Variants in RPRD1B observed in about 807,000 individuals in gnomAD.
RPRD1B encodes the protein regulation of nuclear pre-mRNA domain-containing protein 1B.
Under a neutral mutation model 41.5 loss-of-function variants are expected in RPRD1B, and 11 were observed. That is an observed-to-expected ratio of 0.27 (90% CI 0.17 to 0.44). The LOEUF (loss-of-function observed/expected upper bound fraction) is 0.44. Ranked by LOEUF, RPRD1B falls within the 20% of genes least tolerant of loss-of-function variation. RPRD1B has a pLI of 1.00. For missense variants in RPRD1B, 248 were observed against 389.9 expected (o/e 0.64, Z 3.06); for synonymous variants, 158 against 155.6 (o/e 1.02, Z -0.12).
chr20:38,087,783 G>A (rs895983668), intron 6 of RPRD1B, among the ~76,000 whole-genome samples: 3 of 152,310 alleles, frequency 2.0e-5, no homozygotes, highest in Admixed American at 6.5e-5. Context: ...CTTCAGGAAC[G>A]TGAAAGGTGA....
chr20:38,049,978 C>T lies in RPRD1B; in HGVS notation c.415+1497C>T, dbSNP rs534468473. On this transcript the variant is annotated intron_variant, in intron 3 of 6. Coordinates refer to ENST00000373433, the MANE Select transcript of RPRD1B (RefSeq NM_021215.4). ...CTGCTTCCTTTCCATCTGCTGTTAC[C>T]TCTACTTGATGTCCTTCTACCGCTT... Among the ~76,000 whole-genome samples, 10 of 152,324 alleles carry T rather than the reference C, an allele frequency of 6.6e-5. No individual in the cohort carries two copies. In the East Asian group the frequency reaches 1.2e-3, roughly 18 times the overall value.
At chr20:38,080,288 G>A (rs781712015) in intron 6 of RPRD1B, among the ~76,000 whole-genome samples, 6 of 152,148 alleles carry the variant, frequency 3.9e-5, no homozygotes, top group Middle Eastern at 3.2e-3. Flanking sequence ...GCCGGTGTCC[G>A]GCATGGTATT....
chr20:38,048,335 C>G lies in RPRD1B; in HGVS notation c.282-13C>G. The G allele has an allele frequency of 1.9e-6, 3 of 1,606,206 alleles. No individual in the cohort carries two copies. The highest frequency in any genetic ancestry group is 2.6e-6 in the Non-Finnish European group (3 of 1,174,568). On this transcript the variant is annotated splice_polypyrimidine_tract_variant and intron_variant, in intron 2 of 6. Transcript: ENST00000373433. ...CTTAAGCTTATATATATCTTTTCAT[C>G]TTTTCTGGGCAGAGAGGCAGATGAA...
intron 6 of RPRD1B, among the ~76,000 whole-genome samples, chr20:38,083,249 G>A (rs1028165559): frequency 1.3e-5 from 2 of 151,618 alleles, no homozygotes; most frequent in Non-Finnish European, 2.9e-5. Flanking sequence ...TTAGTATTTT[G>A]GTTTTACTGG....
intron 6 of RPRD1B, among the ~76,000 whole-genome samples, chr20:38,079,658 T>C (rs1425127552): frequency 1.3e-5 from 2 of 152,242 alleles, no homozygotes; most frequent in African/African-American, 4.8e-5. Context: ...ATGTCTTTGC[T>C]ATTGTGAATA....
At chr20:38,046,310 C>T (rs2074120431) in intron 2 of RPRD1B, among the ~76,000 whole-genome samples, 1 of 152,118 alleles carries the variant, frequency 6.6e-6, no homozygotes, top group Non-Finnish European at 1.5e-5. Context: ...TTGATTTCTG[C>T]CATGACCTTG....
At chr20:38,071,334 A>G (rs2082004730) in intron 6 of RPRD1B, among the ~76,000 whole-genome samples, 1 of 152,228 alleles carries the variant, frequency 6.6e-6, no homozygotes, top group Non-Finnish European at 1.5e-5. Context: ...TTTCGGCACG[A>G]TGTTTTCAAG....
intron 3 of RPRD1B, chr20:38,049,637 ATAT>A (rs2074162626): frequency 6.7e-6 from 3 of 444,472 alleles, no homozygotes; most frequent in African/African-American, 2.0e-5. Flanking sequence ...CAAAGTGCTG[ATAT>A]TATAGGCGTG....
intron 5 of RPRD1B, among the ~76,000 whole-genome samples, chr20:38,063,924 AATT>A (rs2074326854): frequency 6.6e-6 from 1 of 152,208 alleles, no homozygotes; most frequent in Non-Finnish European, 1.5e-5. Context: ...TGTGTAAATG[AATT>A]ATTTCCTTTG....
intron 3 of RPRD1B, among the ~76,000 whole-genome samples, chr20:38,048,951 A>G (rs1425530470): frequency 6.6e-6 from 1 of 151,982 alleles, no homozygotes; most frequent in Non-Finnish European, 1.5e-5. Context: ...TCTAAAGTTG[A>G]TTGTTTGTTT....
At chr20:38,083,458 T>A (rs563954245) in intron 6 of RPRD1B, among the ~76,000 whole-genome samples, 1 of 152,260 alleles carries the variant, frequency 6.6e-6, no homozygotes, top group Non-Finnish European at 1.5e-5. Flanking sequence ...TTAGTTAGTA[T>A]AGACACTGAC....
chr20:38,048,508 C>A lies in RPRD1B; in HGVS notation c.415+27C>A, dbSNP rs749646572. ...TAGAAACATCACCACATGTTTACAG[C>A]TCTTGGTCTTTGCCTACTTTCGAAT... On this transcript the variant is annotated intron_variant, in intron 3 of 6. Coordinates refer to ENST00000373433, the MANE Select transcript of RPRD1B (RefSeq NM_021215.4). The A allele has an allele frequency of 2.6e-5, 41 of 1,569,432 alleles. No homozygotes were observed. In the Admixed American group the frequency reaches 6.6e-4, roughly 25 times the overall value.
chr20:38,056,984 C>T (rs1384238943), intron 3 of RPRD1B, among the ~76,000 whole-genome samples: 1 of 152,084 alleles, frequency 6.6e-6, no homozygotes, highest in Non-Finnish European at 1.5e-5. Context: ...AAAATGGTAA[C>T]TTAAGTAATT....
At chr20:38,082,525 T>C (rs1293516664) in intron 6 of RPRD1B, among the ~76,000 whole-genome samples, 2 of 152,176 alleles carry the variant, frequency 1.3e-5, no homozygotes, top group Non-Finnish European at 2.9e-5. Context: ...CAGCTGGGAC[T>C]ACAAGGCACC....
intron 6 of RPRD1B, among the ~76,000 whole-genome samples, chr20:38,078,978 T>G (rs957565103): frequency 1.1e-4 from 17 of 152,228 alleles, no homozygotes; most frequent in Non-Finnish European, 1.8e-4. Context: ...ATTCTTTTTC[T>G]TCAACTCTGC....
chr20:38,037,033 G>C (rs1283016018), intron 1 of RPRD1B, among the ~76,000 whole-genome samples: 2 of 152,192 alleles, frequency 1.3e-5, no homozygotes, highest in Non-Finnish European at 2.9e-5. Context: ...AGGATTCTGT[G>C]CCCTAATGTT....
At chr20:38,040,829 A>G (rs1002275000) in intron 2 of RPRD1B, among the ~76,000 whole-genome samples, 1 of 152,194 alleles carries the variant, frequency 6.6e-6, no homozygotes, top group African/African-American at 2.4e-5. Context: ...TTTCTTGGTT[A>G]TGGTATTTTC....
At chr20:38,064,564 C>G (rs1037462407) in intron 5 of RPRD1B, among the ~76,000 whole-genome samples, 1 of 152,172 alleles carries the variant, frequency 6.6e-6, no homozygotes. Context: ...AAATTCGAAT[C>G]TCACCACCAC....
intron 6 of RPRD1B, among the ~76,000 whole-genome samples, chr20:38,086,215 G>A (rs543332198): frequency 1.7e-4 from 26 of 152,222 alleles, no homozygotes; most frequent in Non-Finnish European, 3.2e-4. Context: ...ATGGGGAGTG[G>A]GAAATCACAG....
Sources: gnomAD v4.1 joint callset for allele counts (sites outside exome capture counted in the v4.1 genomes callset) on GRCh38, gnomAD v4.1.1 for gene constraint, MANE v1.5 for transcripts, NCBI Gene and HGNC (gene_info 2026-07-23, HGNC 2026-07-21) for gene names.